The following SMIM20 variants were observed in gnomAD, a reference collection of about 807,000 sequenced individuals.
The protein encoded by SMIM20 is small integral membrane protein 20, also known as mitochondrial translation regulation assembly intermediate of cytochrome c oxidase protein of 7 kDa.
SMIM20 carries 3 observed loss-of-function variants against 8.7 expected under a neutral mutation model. The observed-to-expected ratio is 0.34, with a 90% CI of 0.16 to 0.89. SMIM20 has a LOEUF of 0.89. Ranked by LOEUF, SMIM20 falls within the 40% of genes least tolerant of loss-of-function variation. The pLI is 0.49. For missense variants in SMIM20, 85 were observed against 84.8 expected, an observed-to-expected ratio of 1.00 and a Z score of -0.01; for synonymous variants, 44 against 33.6, an observed-to-expected ratio of 1.31 and a Z score of -1.07.
rs1577358817 is a variant in SMIM20 at position 25,914,230 on chromosome 4, C to T, written c.-84C>T. On this transcript the variant is annotated 5_prime_UTR_variant, in exon 1 of 3. Transcript: ENST00000506197. ...CGAAAGCCTCTCCACCTCTTCCGAG[C>T]GGGGTCACGGCCCGGCCGTCGGTAA... The T allele has an allele frequency of 2.0e-6, 3 of 1,500,776 alleles. No individual in the cohort carries two copies. Among genetic ancestry groups the T allele is most frequent in the South Asian group, 1.3e-5 (1 of 78,732 alleles). The allele number at this position is 1,500,776 out of a possible 1,614,324, so 93.0% of individuals were successfully genotyped here.
At chr4:25,915,342 G>A (rs1719064701) in intron 1 of SMIM20, among the ~76,000 whole-genome samples, 1 of 152,122 alleles carries the variant, frequency 6.6e-6, no homozygotes, top group Non-Finnish European at 1.5e-5. Flanking sequence ...GGCATTAGAG[G>A]CTCATTTTGT....
chr4:25,920,688 C>T (rs939978230), intron 1 of SMIM20, among the ~76,000 whole-genome samples: 2 of 152,220 alleles, frequency 1.3e-5, no homozygotes, highest in African/African-American at 4.8e-5. Context: ...TCACCACTCA[C>T]TCACCCAGAG....
chr4:25,916,618 T>G (rs1489949864), intron 1 of SMIM20, among the ~76,000 whole-genome samples: 1 of 152,214 alleles, frequency 6.6e-6, no homozygotes, highest in African/African-American at 2.4e-5. Context: ...TGCAGTGGCA[T>G]GATCTCGGCT....
rs1310843225 is a variant in SMIM20 at position 25,914,388 on chromosome 4, C to T, written c.75C>T (p.Ile25=). ...ISLIGAAFYP[I]YFRPLMRLEE... The stretch of plus-strand genomic sequence containing the variant: ...TGATCGGCGCCGCCTTCTATCCCAT[C>T]TACTTCCGGCCCCTAATGAGATTGG... The change falls in exon 1 of 3, where the codon ATC becomes ATT. Residue 25 remains isoleucine (I), a synonymous_variant. Coordinates refer to ENST00000506197, the MANE Select transcript of SMIM20 (RefSeq NM_001145432.3). 1 of 1,536,808 alleles carries T rather than the reference C, an allele frequency of 6.5e-7. No individual in the cohort carries two copies. Among genetic ancestry groups the T allele is most frequent in the Non-Finnish European group, 8.8e-7 (1 of 1,137,986 alleles).
rs537563784 is a variant in SMIM20 at position 25,914,935 on chromosome 4, C to T, written c.109+513C>T. On this transcript the variant is annotated intron_variant, in intron 1 of 2. Coordinates refer to ENST00000506197, the MANE Select transcript of SMIM20 (RefSeq NM_001145432.3). Reference sequence around the variant, plus strand: ...GGCAAATATATCCAACCCCAGGCCTCTGTCCAGAGCCTCCTCCAAGCACCC... The same window carrying T: ...GGCAAATATATCCAACCCCAGGCCTTTGTCCAGAGCCTCCTCCAAGCACCC... Among the ~76,000 whole-genome samples, 56 of 152,314 alleles carry T rather than the reference C, an allele frequency of 3.7e-4. 1 individual carries two copies. Among genetic ancestry groups the T allele is most frequent in the East Asian group, 1.4e-3 (7 of 5,174 alleles).
At chr4:25,923,998 T>TG (rs1411342660) in intron 1 of SMIM20, among the ~76,000 whole-genome samples, 1 of 152,180 alleles carries the variant, frequency 6.6e-6, no homozygotes, top group Non-Finnish European at 1.5e-5. Flanking sequence ...CACTTGCTCC[T>TG]GTGGTCATAT....
At chr4:25,914,551 C>T (rs1221791928) in intron 1 of SMIM20, 129 bp downstream of exon 1, 36 of 885,014 alleles carry the variant, frequency 4.1e-5, no homozygotes, top group Non-Finnish European at 5.1e-5. Context: ...CGAATCCTGC[C>T]ATGTGCAGCT....
At position 25,917,949 on chromosome 4, in the gene SMIM20, T is replaced by G. The variant is rs571128179; in HGVS notation, c.109+3527T>G. Among the ~76,000 whole-genome samples, 11 of 149,514 alleles carry G rather than the reference T, an allele frequency of 7.4e-5. No individual in the cohort carries two copies. The South Asian group carries it at 8.4e-4, about 11-fold the overall frequency. ...TACAGGTCAGTTTTTTTTTTTTGTT[T>G]TTTTTTTTTTTGAGACAGAGTCTCG... On this transcript the variant is annotated intron_variant, in intron 1 of 2. Coordinates refer to ENST00000506197, the MANE Select transcript of SMIM20 (RefSeq NM_001145432.3).
intron 1 of SMIM20, among the ~76,000 whole-genome samples, chr4:25,918,986 G>A (rs1450216350): frequency 7.8e-6 from 1 of 128,974 alleles, no homozygotes; most frequent in African/African-American, 2.9e-5. Context: ...CTCACTGCAA[G>A]CTCCGCTTCC....
At chr4:25,914,591 T>C (rs189465607) in intron 1 of SMIM20, among the ~76,000 whole-genome samples, 169 bp downstream of exon 1, 1 of 152,308 alleles carries the variant, frequency 6.6e-6, no homozygotes, top group East Asian at 1.9e-4. Context: ...GCTCAACCTC[T>C]AGGACTCTCA....
chr4:25,928,923 G>A lies in SMIM20; in HGVS notation c.167-231G>A, dbSNP rs562408082. Among the ~76,000 whole-genome samples, 10 of 152,296 alleles carry A rather than the reference G, an allele frequency of 6.6e-5. No individual in the cohort carries two copies. The South Asian group carries it at 1.7e-3, about 25-fold the overall frequency. ...TATTTATTTTTTAACTAGGCCAGAT[G>A]TCGGTCTTCCTGCTATGGGGTACAA... is the stretch of plus-strand genomic sequence containing the variant. On this transcript the variant is annotated intron_variant, in intron 2 of 2. Coordinates refer to ENST00000506197, the MANE Select transcript of SMIM20 (RefSeq NM_001145432.3).
intron 1 of SMIM20, among the ~76,000 whole-genome samples, chr4:25,923,521 C>A (rs775895208): frequency 3.9e-5 from 6 of 152,222 alleles, no homozygotes; most frequent in Non-Finnish European, 7.3e-5. Context: ...GGACACTAGG[C>A]CCTAACTCCT....
intron 1 of SMIM20, among the ~76,000 whole-genome samples, chr4:25,927,867 A>T (rs1475640883): frequency 6.6e-6 from 1 of 152,228 alleles, no homozygotes; most frequent in Non-Finnish European, 1.5e-5. Flanking sequence ...TATCAAAAAC[A>T]TAGCATATTT....
At chr4:25,928,273 C>G in intron 1 of SMIM20, 40 bp from the exon 2 acceptor site, 1 of 1,538,850 alleles carries the variant, frequency 6.5e-7, no homozygotes, top group Non-Finnish European at 8.8e-7. Context: ...TCTCTCCCCG[C>G]CCCCCTTCTA....
At chr4:25,916,391 T>C (rs1719091555) in intron 1 of SMIM20, among the ~76,000 whole-genome samples, 1 of 152,002 alleles carries the variant, frequency 6.6e-6, no homozygotes, top group African/African-American at 2.4e-5. Context: ...TTGTATATTT[T>C]AGTAGAGACA....
intron 1 of SMIM20, among the ~76,000 whole-genome samples, chr4:25,923,561 C>T (rs145539994): frequency 3.3e-5 from 5 of 152,294 alleles, no homozygotes; most frequent in Non-Finnish European, 5.9e-5. Context: ...TGCCCTGCCT[C>T]ATGATGCCTT....
chr4:25,924,998 A>G (rs557049316), intron 1 of SMIM20, among the ~76,000 whole-genome samples: 1 of 152,336 alleles, frequency 6.6e-6, no homozygotes. Context: ...GTCTATGTAT[A>G]TAAGATGTAT....
intron 1 of SMIM20, among the ~76,000 whole-genome samples, chr4:25,918,909 T>TC (rs1235568437): frequency 1.4e-5 from 2 of 140,670 alleles, no homozygotes; most frequent in South Asian, 2.4e-4. Context: ...TTTTTTTTTT[T>TC]TTTTTTGAGA....
At chr4:25,920,891 G>A (rs1719185195) in intron 1 of SMIM20, among the ~76,000 whole-genome samples, 1 of 152,176 alleles carries the variant, frequency 6.6e-6, no homozygotes, top group South Asian at 2.1e-4. Flanking sequence ...TGTAGCCTAG[G>A]AACAATAGGC....
Sources: allele counts gnomAD v4.1 joint callset (sites outside exome capture counted in the v4.1 genomes callset), GRCh38; gene constraint gnomAD v4.1.1; transcripts MANE v1.5; gene names NCBI Gene and HGNC (gene_info 2026-07-23, HGNC 2026-07-21).